Variants in NAV2 observed in about 807,000 individuals in gnomAD.
The protein encoded by NAV2 is neuron navigator 2, also known as helicase, APC down-regulated 1.
NAV2 carries 54 observed loss-of-function variants against 223.2 expected under a neutral mutation model. That is an observed-to-expected ratio of 0.24 (90% CI 0.19 to 0.30). NAV2 has a LOEUF of 0.30. Among genes scored for constraint, NAV2 ranks in the 10% least tolerant of loss-of-function variants. NAV2 has a pLI of 1.00. For synonymous variants in NAV2, 1,279 were observed against 1,239.3 expected (o/e 1.03, Z -0.67); for missense variants, 2,806 against 3,147.5 (o/e 0.89, Z 2.60).
intron 10 of NAV2, among the ~76,000 whole-genome samples, chr11:19,967,812 C>T (rs2048897840): frequency 6.6e-6 from 1 of 152,094 alleles, no homozygotes; most frequent in Admixed American, 6.5e-5. Flanking sequence ...TCAGGGTATC[C>T]AGGTGCCCAG....
intron 1 of NAV2, among the ~76,000 whole-genome samples, chr11:19,666,804 G>A (rs1394076590): frequency 6.6e-6 from 1 of 152,110 alleles, no homozygotes; most frequent in African/African-American, 2.4e-5. Flanking sequence ...GGCCTCTCAT[G>A]ATAGAATCAC....
chr11:19,914,531 G>T (rs1321876931), intron 6 of NAV2, among the ~76,000 whole-genome samples: 4 of 149,834 alleles, frequency 2.7e-5, no homozygotes, highest in African/African-American at 9.9e-5. Flanking sequence ...TAATATTGTT[G>T]TTCCTGTTCT....
intron 4 of NAV2, among the ~76,000 whole-genome samples, chr11:19,871,528 G>C (rs1236251189): frequency 6.6e-6 from 1 of 152,078 alleles, no homozygotes; most frequent in Non-Finnish European, 1.5e-5. Context: ...GTCTCAGCAG[G>C]CCCTGCTGAC....
intron 7 of NAV2, among the ~76,000 whole-genome samples, chr11:19,937,663 G>A (rs1486364184): frequency 6.6e-6 from 1 of 152,194 alleles, no homozygotes; most frequent in Non-Finnish European, 1.5e-5. Flanking sequence ...TAGACCTGGA[G>A]CTAGTCGAAT....
At chr11:19,951,970 C>T (rs1284222024) in intron 10 of NAV2, among the ~76,000 whole-genome samples, 1 of 152,206 alleles carries the variant, frequency 6.6e-6, no homozygotes, top group African/African-American at 2.4e-5. Context: ...GGAGAGGTAG[C>T]CCAGATGGAA....
intron 19 of NAV2, among the ~76,000 whole-genome samples, chr11:20,057,150 G>A (rs1408258042): frequency 6.6e-6 from 1 of 152,134 alleles, no homozygotes; most frequent in Admixed American, 6.5e-5. Context: ...CCCCATATGA[G>A]TAGGGAAAAA....
intron 12 of NAV2, among the ~76,000 whole-genome samples, chr11:20,039,554 T>C (rs72906462): frequency 0.055 from 8,407 of 152,282 alleles, 337 homozygotes; most frequent in Non-Finnish European, 0.088. Flanking sequence ...TCTTAATATA[T>C]TTTGTTTGTA....
At position 19,714,237 on chromosome 11, in the gene NAV2, G is replaced by A. The variant is rs774614890; in HGVS notation, c.267+275G>A. 4.5e-6 allele frequency: 3 copies of A among 667,414 alleles called. No individual in the cohort carries two copies. The African/African-American group carries it at 5.3e-5, about 12-fold the overall frequency. The allele number at this position is 667,414 out of a possible 1,614,324, so 41.3% of individuals were successfully genotyped here. A position where few individuals can be genotyped will look rare whatever the true frequency, so the allele number is the denominator to read the frequency against. ...CTTCCTGGGGAGGAGGAAAGGTCGG[G>A]ATGTTCTCAAAAAACGTGTGCATCG... is the stretch of plus-strand genomic sequence containing the variant. On this transcript the variant is annotated intron_variant, in intron 1 of 37. Coordinates refer to ENST00000349880, the MANE Select transcript of NAV2 (RefSeq NM_145117.5).
At chr11:19,480,290 C>A (rs1287863234) in intron 1 of NAV2, among the ~76,000 whole-genome samples, 4 of 152,076 alleles carry the variant, frequency 2.6e-5, no homozygotes, top group Non-Finnish European at 5.9e-5. Flanking sequence ...CTTGAAGCAT[C>A]TTTGAGGCAA....
chr11:19,412,900 A>G (rs1056652743), intron 1 of NAV2, among the ~76,000 whole-genome samples: 4 of 152,224 alleles, frequency 2.6e-5, no homozygotes, highest in Non-Finnish European at 4.4e-5. Flanking sequence ...AAGGATGTCC[A>G]CACAAAAACC....
intron 1 of NAV2, among the ~76,000 whole-genome samples, chr11:19,767,676 G>T (rs928162739): frequency 6.6e-6 from 1 of 152,248 alleles, no homozygotes. Flanking sequence ...CAGCAATCTT[G>T]AGAGACAGGC....
chr11:19,857,047 T>A (rs963995211), intron 3 of NAV2, among the ~76,000 whole-genome samples: 6 of 152,240 alleles, frequency 3.9e-5, no homozygotes, highest in African/African-American at 1.4e-4. Flanking sequence ...TGAGTTTCAC[T>A]CTTGGCCTTC....
chr11:19,713,998 A>C lies in NAV2; in HGVS notation c.267+36A>C, dbSNP rs1299366359. The C allele has an allele frequency of 1.9e-6, 3 of 1,608,142 alleles. No individual in the cohort carries two copies. In the African/African-American group the frequency reaches 4.0e-5, roughly 22 times the overall value. On this transcript the variant is annotated intron_variant, in intron 1 of 37. Transcript: ENST00000349880. This position sits in a 1 kb window ranked among gnomAD's most constrained non-coding sequence, Gnocchi z 7.2. ...CCGTTTGCCGGGGTACTGTTCTGGA[A>C]GGATGGATGAATAGTTCTTTCGGGA...
chr11:19,888,860 A>G (rs1488972004), intron 5 of NAV2, among the ~76,000 whole-genome samples: 1 of 152,046 alleles, frequency 6.6e-6, no homozygotes, highest in Non-Finnish European at 1.5e-5. Flanking sequence ...TTTACACACT[A>G]CCTTTCCTGA....
At chr11:19,629,182 AT>A (rs1365430193) in intron 1 of NAV2, among the ~76,000 whole-genome samples, 1 of 151,530 alleles carries the variant, frequency 6.6e-6, no homozygotes, top group Admixed American at 6.6e-5. Context: ...CTCTCCCACC[AT>A]TTCTGAGCCC....
At chr11:19,722,051 A>T (rs1303542743) in intron 1 of NAV2, among the ~76,000 whole-genome samples, 1 of 152,250 alleles carries the variant, frequency 6.6e-6, no homozygotes, top group Admixed American at 6.5e-5. Flanking sequence ...CCTGATATTT[A>T]TGAGAACATA....
intron 1 of NAV2, among the ~76,000 whole-genome samples, chr11:19,486,318 A>AT (rs1488124067): frequency 6.6e-6 from 1 of 151,862 alleles, no homozygotes; most frequent in Non-Finnish European, 1.5e-5. Context: ...CTTCCTCGTC[A>AT]TTTTTTCAAT....
intron 1 of NAV2, among the ~76,000 whole-genome samples, chr11:19,673,739 G>A (rs556388508): frequency 1.1e-4 from 16 of 152,188 alleles, no homozygotes; most frequent in African/African-American, 2.4e-4. Context: ...TTCTGCTCTC[G>A]GGGCCTGTTC....
At chr11:19,963,234 G>C (rs1354977537) in intron 10 of NAV2, among the ~76,000 whole-genome samples, 1 of 152,132 alleles carries the variant, frequency 6.6e-6, no homozygotes, top group Non-Finnish European at 1.5e-5. Flanking sequence ...CTTTCCACTA[G>C]TTATTTGCAA....
Sources: gnomAD v4.1 joint callset for allele counts (sites outside exome capture counted in the v4.1 genomes callset) on GRCh38, gnomAD v4.1.1 for gene constraint, Gnocchi (gnomAD v3.1) non-coding constraint, MANE v1.5 for transcripts, NCBI Gene and HGNC (gene_info 2026-07-23, HGNC 2026-07-21) for gene names.